Variants in ALKBH3 observed in about 807,000 individuals in gnomAD.
ALKBH3 encodes the protein alpha-ketoglutarate-dependent dioxygenase alkB homolog 3.
ALKBH3 carries 51 observed loss-of-function variants against 43.9 expected under a neutral mutation model. The ratio of observed to expected loss-of-function variants is 1.16; its 90% CI spans 0.93 to 1.47. ALKBH3 has a LOEUF of 1.47. Ranked by LOEUF, ALKBH3 falls within the 40% of genes most tolerant of loss-of-function variation. ALKBH3 has a pLI of 0.00. For synonymous variants in ALKBH3, 102 were observed against 115.2 expected (o/e 0.89, Z 0.73); for missense variants, 361 against 351.9 (o/e 1.03, Z -0.21).
At chr11:43,910,500 A>G (rs538211064) in intron 8 of ALKBH3, 8 of 152,196 alleles carry the variant, frequency 5.3e-5, no homozygotes, top group Non-Finnish European at 1.0e-4. Flanking sequence ...ATAACAGCAC[A>G]TGTGGCTTCC....
chr11:43,916,714 T>A (rs1045266860), intron 8 of ALKBH3: 2 of 152,256 alleles, frequency 1.3e-5, no homozygotes, highest in Non-Finnish European at 2.9e-5. Flanking sequence ...GGAGCCTTTA[T>A]GCACAGCCAT....
At chr11:43,899,611 C>G (rs553005722) in intron 7 of ALKBH3, 32 of 520,532 alleles carry the variant, frequency 6.1e-5, no homozygotes, top group Non-Finnish European at 1.0e-4. Context: ...CGCCCCTCCT[C>G]GGACAGCCAG....
At chr11:43,909,621 G>A (rs779004642) in intron 8 of ALKBH3, 3 of 152,214 alleles carry the variant, frequency 2.0e-5, no homozygotes, top group Admixed American at 6.5e-5. Context: ...GATCCTCAGC[G>A]GGTAAGTAGC....
At chr11:43,905,169 A>T (rs1184083387) in intron 8 of ALKBH3, among the ~76,000 whole-genome samples, 2 of 152,216 alleles carry the variant, frequency 1.3e-5, no homozygotes, top group Non-Finnish European at 2.9e-5. Flanking sequence ...TTGATTTTTT[A>T]AAAATTCAAA....
At chr11:43,918,755 A>T in intron 8 of ALKBH3, 1 of 318,914 alleles carries the variant, frequency 3.1e-6, no homozygotes. Flanking sequence ...CACTTACTGC[A>T]TGCCAATCTT....
At chr11:43,896,209 A>G (rs1449798747) in intron 7 of ALKBH3, among the ~76,000 whole-genome samples, 1 of 152,114 alleles carries the variant, frequency 6.6e-6, no homozygotes, top group Non-Finnish European at 1.5e-5. Context: ...TTAGAATTTT[A>G]GAAAACTGGT....
At chr11:43,895,015 A>G (rs752693462) in intron 7 of ALKBH3, among the ~76,000 whole-genome samples, 17 of 152,188 alleles carry the variant, frequency 1.1e-4, no homozygotes, top group Non-Finnish European at 1.6e-4. Context: ...TCTGCTTAGA[A>G]TATAATATTA....
At chr11:43,893,414 A>G (rs1295085629) in intron 7 of ALKBH3, among the ~76,000 whole-genome samples, 2 of 152,224 alleles carry the variant, frequency 1.3e-5, no homozygotes, top group African/African-American at 4.8e-5. Context: ...GGATCTGCTG[A>G]GTAAAGTAGC....
intron 8 of ALKBH3, among the ~76,000 whole-genome samples, chr11:43,905,618 CA>C (rs1372458705): frequency 6.6e-6 from 1 of 152,090 alleles, no homozygotes; most frequent in Non-Finnish European, 1.5e-5. Context: ...TAGTTCAAAT[CA>C]AAGACTAAGT....
At chr11:43,897,984 C>A (rs1951831351) in intron 7 of ALKBH3, 2 of 799,844 alleles carry the variant, frequency 2.5e-6, no homozygotes, top group Admixed American at 3.4e-5. Context: ...CTCCACCTTC[C>A]ATCACGCCCT....
Position 43,882,600 on chromosome 11 carries a change from G to C in ALKBH3, c.-53G>C. On this transcript the variant is annotated 5_prime_UTR_variant, in exon 2 of 10. Coordinates refer to ENST00000302708, the MANE Select transcript of ALKBH3 (RefSeq NM_139178.4). Reference sequence around the variant, plus strand: ...ATAAACAGATACCATGGAGTAGTTTGAAACAGGAACAAAATCTTCTGAAAG... The same window carrying C: ...ATAAACAGATACCATGGAGTAGTTTCAAACAGGAACAAAATCTTCTGAAAG... 6.4e-7 allele frequency: 1 copy of C among 1,557,204 alleles called. No individual in the cohort carries two copies. Among genetic ancestry groups the C allele is most frequent in the Non-Finnish European group, 8.7e-7 (1 of 1,146,100 alleles).
At chr11:43,886,700 A>G in intron 5 of ALKBH3, 47 bp downstream of exon 5, 7 of 1,577,998 alleles carry the variant, frequency 4.4e-6, no homozygotes, top group Non-Finnish European at 6.1e-6. Flanking sequence ...ACTGAGTTAT[A>G]GTCTCTTAAA....
chr11:43,883,845 T>TA, intron 3 of ALKBH3, 138 bp from the exon 4 acceptor site: 1 of 924,272 alleles, frequency 1.1e-6, no homozygotes, highest in Non-Finnish European at 1.7e-6. Flanking sequence ...CAAGGGTCTC[T>TA]AGTGGGTTAG....
intron 8 of ALKBH3, among the ~76,000 whole-genome samples, chr11:43,918,314 GCT>G (rs1951999768): frequency 6.6e-6 from 1 of 152,218 alleles, no homozygotes; most frequent in South Asian, 2.1e-4. Flanking sequence ...TTGCTTTTGA[GCT>G]CTCTGTGTAA....
Position 43,919,059 on chromosome 11 carries a change from T to G in ALKBH3, c.691T>G (p.Tyr231Asp). The change falls in exon 9 of 10, where the codon TAT (tyrosine) becomes GAT (aspartate). Residue 231 changes from tyrosine to aspartate, a missense_variant. Transcript: ENST00000302708. The part of the protein sequence containing the change: ...PPPEENGDYT[Y>D]VERVKIPLDH... The stretch of plus-strand genomic sequence containing the variant: ...CTAGGAAGAGAATGGAGACTACACA[T>G]ATGTGGAAAGAGTGAAGATACCCTT... The G allele has an allele frequency of 6.2e-7, 1 of 1,610,644 alleles. No individual in the cohort carries two copies. The highest frequency in any genetic ancestry group is 8.5e-7 in the Non-Finnish European group (1 of 1,176,866).
intron 7 of ALKBH3, among the ~76,000 whole-genome samples, chr11:43,894,272 C>CTAGG (rs1449332228): frequency 6.6e-6 from 1 of 152,186 alleles, no homozygotes. Flanking sequence ...CCAGAGGTAC[C>CTAGG]TCTGAGGTAC....
At chr11:43,892,205 A>G in intron 7 of ALKBH3, 76 bp downstream of exon 7, 1 of 1,274,068 alleles carries the variant, frequency 7.8e-7, no homozygotes, top group Non-Finnish European at 1.1e-6. Flanking sequence ...ATAACAACAA[A>G]TTACCTTGCA....
chr11:43,913,951 G>A (rs1418490322), intron 8 of ALKBH3, among the ~76,000 whole-genome samples: 2 of 152,162 alleles, frequency 1.3e-5, no homozygotes, highest in Non-Finnish European at 2.9e-5. Context: ...AGAAGAGGGG[G>A]CAGCACTGGG....
intron 7 of ALKBH3, chr11:43,899,094 A>G (rs1184505968): frequency 1.3e-6 from 1 of 757,746 alleles, no homozygotes; most frequent in Non-Finnish European, 2.5e-6. Context: ...TGACATGTAC[A>G]AAGGGGACAT....
Sources: allele counts gnomAD v4.1 joint callset (sites outside exome capture counted in the v4.1 genomes callset), GRCh38; gene constraint gnomAD v4.1.1; transcripts MANE v1.5; gene names NCBI Gene and HGNC (gene_info 2026-07-23, HGNC 2026-07-21).